Variants in ZCCHC17 observed in about 807,000 individuals in gnomAD.
ZCCHC17 encodes zinc finger CCHC domain-containing protein 17.
Under a neutral mutation model 30.6 loss-of-function variants are expected in ZCCHC17, and 18 were observed. The observed-to-expected ratio is 0.59, with a 90% confidence interval of 0.41 to 0.87. The LOEUF (loss-of-function observed/expected upper bound fraction) is 0.87, where lower values mean the gene tolerates loss of function less well. Ranked by LOEUF, ZCCHC17 falls within the 40% of genes least tolerant of loss-of-function variation. The pLI is 0.00. For synonymous variants in ZCCHC17, 88 were observed against 92.4 expected, an observed-to-expected ratio of 0.95 and a Z score of 0.27; for missense variants, 263 against 284.2, an observed-to-expected ratio of 0.93 and a Z score of 0.54.
At chr1:31,317,242 C>G (rs1314440874) in intron 2 of ZCCHC17, among the ~76,000 whole-genome samples, 3 of 151,970 alleles carry the variant, frequency 2.0e-5, no homozygotes, top group African/African-American at 7.3e-5. Context: ...CCAGGCTGGT[C>G]TCGAACTCCT....
At chr1:31,352,834 T>A (rs1639515495) in intron 7 of ZCCHC17, among the ~76,000 whole-genome samples, 1 of 152,246 alleles carries the variant, frequency 6.6e-6, no homozygotes, top group African/African-American at 2.4e-5. Flanking sequence ...TTGTAAATAA[T>A]GCTGCTGTGA....
At chr1:31,302,104 T>C (rs141079208) in intron 1 of ZCCHC17, among the ~76,000 whole-genome samples, 5 of 152,290 alleles carry the variant, frequency 3.3e-5, no homozygotes, top group African/African-American at 1.2e-4. Flanking sequence ...GTTGCATGCC[T>C]GTAGTCCCAG....
chr1:31,343,611 C>T (rs1029199177), intron 5 of ZCCHC17, among the ~76,000 whole-genome samples: 3 of 151,900 alleles, frequency 2.0e-5, no homozygotes, highest in Non-Finnish European at 4.4e-5. Context: ...AAAGCAGTTT[C>T]CAATTAGGCA....
intron 7 of ZCCHC17, among the ~76,000 whole-genome samples, chr1:31,355,877 T>C (rs999149175): frequency 1.8e-4 from 28 of 152,180 alleles, no homozygotes; most frequent in African/African-American, 6.5e-4. Context: ...CAGCAGGAGG[T>C]TGGTTTTCCT....
intron 7 of ZCCHC17, among the ~76,000 whole-genome samples, chr1:31,355,667 T>A (rs1233589214): frequency 6.6e-6 from 1 of 152,258 alleles, no homozygotes; most frequent in African/African-American, 2.4e-5. Flanking sequence ...AAATATGTAT[T>A]ATCTGCTTCA....
intron 3 of ZCCHC17, among the ~76,000 whole-genome samples, chr1:31,323,596 C>T (rs2148433850): frequency 6.6e-6 from 1 of 152,272 alleles, no homozygotes; most frequent in East Asian, 1.9e-4. Context: ...GCTGGGATTC[C>T]AGGCGTGAGC....
intron 6 of ZCCHC17, among the ~76,000 whole-genome samples, chr1:31,348,149 G>A (rs1404511804): frequency 1.3e-5 from 2 of 152,208 alleles, no homozygotes; most frequent in Admixed American, 6.5e-5. Flanking sequence ...CAGGTCAAAG[G>A]TAGTTGGTTT....
intron 7 of ZCCHC17, 108 bp downstream of exon 7, chr1:31,349,082 G>GGA: frequency 1.5e-6 from 2 of 1,316,478 alleles, no homozygotes; most frequent in Non-Finnish European, 2.0e-6. Flanking sequence ...CTACTTGGGA[G>GGA]GATAAGGTGG....
At chr1:31,322,689 C>T (rs915576334) in intron 3 of ZCCHC17, among the ~76,000 whole-genome samples, 3 of 151,326 alleles carry the variant, frequency 2.0e-5, no homozygotes, top group Admixed American at 1.3e-4. Flanking sequence ...CAGCCCCTCT[C>T]CCCTTCCCGG....
intron 7 of ZCCHC17, among the ~76,000 whole-genome samples, chr1:31,351,287 G>C (rs1569911898): frequency 6.6e-6 from 1 of 152,118 alleles, no homozygotes; most frequent in Non-Finnish European, 1.5e-5. Flanking sequence ...TCTCAAAATT[G>C]TTTATCCCAT....
chr1:31,344,075 G>A (rs1453463304), intron 5 of ZCCHC17, among the ~76,000 whole-genome samples: 1 of 151,758 alleles, frequency 6.6e-6, no homozygotes, highest in Non-Finnish European at 1.5e-5. Context: ...GGTTGGTCTT[G>A]AACTCCTAAC....
chr1:31,311,442 A>C (rs1000383067), intron 2 of ZCCHC17, among the ~76,000 whole-genome samples: 3 of 152,186 alleles, frequency 2.0e-5, no homozygotes, highest in African/African-American at 7.2e-5. Context: ...ATTTGTGCAC[A>C]TGCTGTTTTC....
chr1:31,337,291 G>A lies in ZCCHC17; in HGVS notation c.225+16G>A, dbSNP rs759203263. 11 of 1,606,588 alleles carry A rather than the reference G, an allele frequency of 6.8e-6. No homozygotes were observed. In the South Asian group the frequency reaches 1.1e-4, roughly 16 times the overall value. Reference sequence around the variant, plus strand: ...TGGCCGAGAGGTAAAGTTCTGTGCGGCTCCCTTGTGGTTAGAAAGGATTAG... The same window carrying A: ...TGGCCGAGAGGTAAAGTTCTGTGCGACTCCCTTGTGGTTAGAAAGGATTAG... On this transcript the variant is annotated intron_variant, in intron 4 of 7. Coordinates refer to ENST00000344147, the MANE Select transcript of ZCCHC17 (RefSeq NM_016505.4).
At chr1:31,302,489 T>C (rs1400845604) in intron 1 of ZCCHC17, among the ~76,000 whole-genome samples, 1 of 152,176 alleles carries the variant, frequency 6.6e-6, no homozygotes, top group Non-Finnish European at 1.5e-5. Flanking sequence ...ACGTTGCTCA[T>C]CCTAGCTCTT....
intron 3 of ZCCHC17, among the ~76,000 whole-genome samples, chr1:31,334,333 CTCTCTGTGTGTGTGTGTGTGTGTGTG>C (rs1413781013): frequency 8.2e-4 from 50 of 60,972 alleles, no homozygotes; most frequent in African/African-American, 3.2e-3. Context: ...CTCTCTCTCT[CTCTCTGTGTGTGTGTGTGTGTGTGTG>C]TGTGTGTGTG....
intron 7 of ZCCHC17, among the ~76,000 whole-genome samples, chr1:31,356,758 C>A (rs960207583): frequency 7.2e-5 from 11 of 152,230 alleles, no homozygotes; most frequent in African/African-American, 2.7e-4. Context: ...CCTTTTCCCA[C>A]AAGTCCAGGA....
intron 2 of ZCCHC17, among the ~76,000 whole-genome samples, chr1:31,311,824 C>G (rs10914350): frequency 1.3e-5 from 2 of 152,136 alleles, no homozygotes; most frequent in African/African-American, 4.8e-5. Flanking sequence ...TTAGTCCCCC[C>G]CGTGGGGGTA....
chr1:31,310,233 G>T, intron 2 of ZCCHC17, 69 bp downstream of exon 2: 1 of 1,525,270 alleles, frequency 6.6e-7, no homozygotes, highest in African/African-American at 1.4e-5. Context: ...AACTGGGTTT[G>T]TTGTTCCTGT....
intron 3 of ZCCHC17, among the ~76,000 whole-genome samples, chr1:31,332,328 C>T (rs543422985): frequency 1.3e-5 from 2 of 152,218 alleles, no homozygotes; most frequent in Non-Finnish European, 2.9e-5. Context: ...AGATCGAGGG[C>T]GAGGGCTAGA....
Sources: allele counts gnomAD v4.1 joint callset (sites outside exome capture counted in the v4.1 genomes callset), GRCh38; gene constraint gnomAD v4.1.1; transcripts MANE v1.5; gene names NCBI Gene and HGNC (gene_info 2026-07-23, HGNC 2026-07-21).